FEM1C: variants seen among roughly 807,000 people sequenced by gnomAD.
FEM1C encodes protein fem-1 homolog C.
In FEM1C, 15 loss-of-function variants were observed where a neutral mutation model predicts 37.6. The ratio of observed to expected loss-of-function variants is 0.40; its 90% CI spans 0.27 to 0.61. The LOEUF is 0.61. Ranked by LOEUF, FEM1C falls within the 20% of genes least tolerant of loss-of-function variation. The pLI is 0.42. For synonymous variants in FEM1C, 287 were observed against 272.8 expected (o/e 1.05, Z -0.51); for missense variants, 532 against 749.7 (o/e 0.71, Z 3.39).
chr5:115,541,252 A>G (rs181806042), intron 2 of FEM1C, among the ~76,000 whole-genome samples: 12 of 152,242 alleles, frequency 7.9e-5, no homozygotes, highest in Admixed American at 3.3e-4. Flanking sequence ...CTGCATACAT[A>G]TATCAGTATG....
chr5:115,524,789 G>C lies in FEM1C; in HGVS notation c.1373C>G (p.Thr458Ser). 1 of 1,590,358 alleles carries C rather than the reference G, an allele frequency of 6.3e-7. No individual in the cohort carries two copies. Among genetic ancestry groups the C allele is most frequent in the South Asian group, 1.2e-5 (1 of 86,050 alleles). The stretch of plus-strand genomic sequence containing the variant: ...CTTTTTGAAATGGTCTTGTTCTAGA[G>C]TACAAGGAACTTTCTCTAACAAGCA... ...LICLLEKVPC[T>S]LEQDHFKKQT... Residue 458 changes from threonine to serine, a missense_variant, in exon 3 of 3, where the codon ACT becomes AGT. Coordinates refer to ENST00000274457, the MANE Select transcript of FEM1C (RefSeq NM_020177.3).
chr5:115,536,460 T>C lies in FEM1C; in HGVS notation c.544+6490A>G, dbSNP rs188633893. Among the ~76,000 whole-genome samples the C allele has an allele frequency of 2.6e-3, 402 of 151,910 alleles. 1 individual carries two copies. Among genetic ancestry groups the C allele is most frequent in the African/African-American group, 9.1e-3 (379 of 41,448 alleles). On this transcript the variant is annotated intron_variant, in intron 2 of 2. Transcript: ENST00000274457. ...GCTGAGTACAGAGGTGGTCCACTTG[T>C]AAGATGAGGATAGGGTGTGTGGTTC...
intron 2 of FEM1C, among the ~76,000 whole-genome samples, chr5:115,533,832 A>G (rs540941643): frequency 1.3e-5 from 2 of 152,060 alleles, no homozygotes; most frequent in South Asian, 4.1e-4. Flanking sequence ...ACCTTTGGCT[A>G]AAGAAAAAAA....
intron 2 of FEM1C, among the ~76,000 whole-genome samples, chr5:115,532,633 A>G (rs942469463): frequency 5.9e-5 from 9 of 151,874 alleles, no homozygotes; most frequent in African/African-American, 2.2e-4. Context: ...AGTTATAATC[A>G]GTATATATAT....
At position 115,525,438 on chromosome 5, in the gene FEM1C, T is replaced by A. The variant is rs567959573; in HGVS notation, c.724A>T (p.Thr242Ser). The A allele has an allele frequency of 4.3e-6, 7 of 1,613,698 alleles. No homozygotes were observed. The East Asian group carries it at 1.6e-4, about 36-fold the overall frequency. Residue 242 changes from threonine to serine, a missense_variant, in exon 3 of 3, where the codon ACA (threonine) becomes TCA (serine). By Grantham distance (58) the Thr-to-Ser change is moderately conservative (BLOSUM62 1). Around this residue, in one of 3 missense-constraint regions of FEM1C, gnomAD observed 221 missense variants for 404.1 expected, o/e 0.55. Transcript: ENST00000274457. ...FLTHHAQTSK[T>S]ERINALELLG... ...AGCTCTAGAGCATTAATACGTTCTGTCTTGCTGGTCTGTGCATGGTGTGTC... is the reference window on the plus strand; with the variant it reads ...AGCTCTAGAGCATTAATACGTTCTGACTTGCTGGTCTGTGCATGGTGTGTC...
chr5:115,539,990 T>G (rs962634629), intron 2 of FEM1C, among the ~76,000 whole-genome samples: 2 of 152,138 alleles, frequency 1.3e-5, no homozygotes, highest in Non-Finnish European at 2.9e-5. Context: ...CCAAGCACAA[T>G]GTACTGACAT....
chr5:115,524,300 T>C lies in FEM1C; in HGVS notation c.*8A>G. 1 of 1,610,830 alleles carries C rather than the reference T, an allele frequency of 6.2e-7. No individual in the cohort carries two copies. Among genetic ancestry groups the C allele is most frequent in the Non-Finnish European group, 8.5e-7 (1 of 1,177,668 alleles). On this transcript the variant is annotated 3_prime_UTR_variant, in exon 3 of 3. Transcript: ENST00000274457. ...GTGCTTTAACAGTGCTAAAATACAG[T>C]CAAGTTATCATCTATGAAGGGAAAC...
In FEM1C at chr5:115,543,557, T is replaced by C; in HGVS notation, c.-64A>G. 6.6e-7 allele frequency: 1 copy of C among 1,526,136 alleles called. No homozygotes were observed. Among genetic ancestry groups the C allele is most frequent in the Non-Finnish European group, 8.7e-7 (1 of 1,148,136 alleles). 94.5% of individuals were successfully genotyped at this position (1,526,136 alleles called of 1,614,324 possible). A position where few individuals can be genotyped will look rare whatever the true frequency, so the allele number is the denominator to read the frequency against. On this transcript the variant is annotated 5_prime_UTR_variant, in exon 2 of 3. Transcript: ENST00000274457. ...AAAGCAGAGCTCCAGTTTAACTCTA[T>C]CGACACAGGCAAGAGTCACAGGAAC... is the stretch of plus-strand genomic sequence containing the variant.
In FEM1C at chr5:115,524,582, T is replaced by C. The variant is rs560881253; in HGVS notation, c.1580A>G (p.Asp527Gly). The change falls in exon 3 of 3, where the codon GAT (aspartate) becomes GGT (glycine). Residue 527 changes from aspartate to glycine, a missense_variant. Physicochemically the swap from Asp to Gly is moderately conservative, Grantham distance 94. Around this residue, in one of 3 missense-constraint regions of FEM1C, gnomAD observed 237 missense variants for 260.5 expected, o/e 0.91. Coordinates refer to ENST00000274457, the MANE Select transcript of FEM1C (RefSeq NM_020177.3). ...AGCGATATGCAGGGGACTGTTGTCA[T>C]CCGAGTCTCTGACGTTCACATCAGC... ...CGADVNVRDSDDNSPLHIAAL... is the reference protein window; with the variant it reads ...CGADVNVRDSGDNSPLHIAAL... 1.9e-6 allele frequency: 3 copies of C among 1,612,762 alleles called. No homozygotes were observed. The highest frequency in any genetic ancestry group is 2.5e-6 in the Non-Finnish European group (3 of 1,179,380).
intron 2 of FEM1C, among the ~76,000 whole-genome samples, chr5:115,538,103 A>G (rs1434624655): frequency 3.3e-5 from 5 of 152,084 alleles, no homozygotes; most frequent in Non-Finnish European, 1.5e-5. Flanking sequence ...AAAGGAAAGT[A>G]GAAACTTTTT....
Position 115,543,402 on chromosome 5 carries a change from A to G in FEM1C, c.92T>C (p.Val31Ala). The change falls in exon 2 of 3, where the codon GTT becomes GCT. Residue 31 changes from valine to alanine, a missense_variant. By Grantham distance (64) the Val-to-Ala change is moderately conservative. Coordinates refer to ENST00000274457, the MANE Select transcript of FEM1C (RefSeq NM_020177.3). The stretch of plus-strand genomic sequence containing the variant: ...TGTTTTTTCAGAGATCAAGGAGGAA[A>G]CCTCCTCTTTGGATTTGCTTGCCAA... ...KLLASKSKEE[V>A]SSLISEKTNG... 6.2e-7 allele frequency: 1 copy of G among 1,613,916 alleles called. No individual in the cohort carries two copies.
Position 115,522,715 on chromosome 5 carries a change from CT to C in FEM1C, c.*1592del, listed in dbSNP as rs1165432769. The C allele has an allele frequency of 6.6e-6, 1 of 152,366 alleles. No homozygotes were observed. Among genetic ancestry groups the C allele is most frequent in the Non-Finnish European group, 1.5e-5 (1 of 67,874 alleles). 9.4% of individuals were successfully genotyped at this position (152,366 alleles called of 1,614,324 possible). ...ACAAAAATCCAAGTGAGTGATCCAG[CT>C]CATTGAACTCACAGGTAAACTGAGT... On this transcript the variant is annotated 3_prime_UTR_variant, in exon 3 of 3. Transcript: ENST00000274457.
chr5:115,527,982 A>G (rs1263333325), intron 2 of FEM1C, among the ~76,000 whole-genome samples: 1 of 149,710 alleles, frequency 6.7e-6, no homozygotes, highest in Non-Finnish European at 1.5e-5. Flanking sequence ...GCCTGGTGAC[A>G]AAGTGAGACT....
chr5:115,524,114 T>C lies in FEM1C; in HGVS notation c.*194A>G. On this transcript the variant is annotated 3_prime_UTR_variant, in exon 3 of 3. Transcript: ENST00000274457. ...ACATTTCTCAATAATTCACAAACAA[T>C]ATATTATATGGTATATTTATATTAA... 1.9e-6 allele frequency: 1 copy of C among 513,244 alleles called. No individual in the cohort carries two copies. The highest frequency in any genetic ancestry group is 3.4e-6 in the Non-Finnish European group (1 of 292,704). The allele number at this position is 513,244 out of a possible 1,614,324, so 31.8% of individuals were successfully genotyped here. A position where few individuals can be genotyped will look rare whatever the true frequency, so the allele number is the denominator to read the frequency against.
In FEM1C at chr5:115,522,457, A is replaced by G. The variant is rs1753795794; in HGVS notation, c.*1851T>C. 1 of 151,938 alleles carries G rather than the reference A, an allele frequency of 6.6e-6. No homozygotes were observed. Among genetic ancestry groups the G allele is most frequent in the Admixed American group, 6.6e-5 (1 of 15,204 alleles). 9.4% of individuals were successfully genotyped at this position (151,938 alleles called of 1,614,324 possible). A position where few individuals can be genotyped will look rare whatever the true frequency, so the allele number is the denominator to read the frequency against. On this transcript the variant is annotated 3_prime_UTR_variant, in exon 3 of 3. Coordinates refer to ENST00000274457, the MANE Select transcript of FEM1C (RefSeq NM_020177.3). ...GTTGGAGATCGTTCATTTATATCCA[A>G]TTTACCTTTTCTTAATGGTGAAATC...
chr5:115,522,514 T>A lies in FEM1C; in HGVS notation c.*1794A>T, dbSNP rs1443353584. On this transcript the variant is annotated 3_prime_UTR_variant, in exon 3 of 3. Transcript: ENST00000274457. ...ACAACCTAGCAAATGAGTAAGAATATCTTTTAAAAATTAAATCTCAATTAT... is the reference window on the plus strand; with the variant it reads ...ACAACCTAGCAAATGAGTAAGAATAACTTTTAAAAATTAAATCTCAATTAT... 8 of 152,104 alleles carry A rather than the reference T, an allele frequency of 5.3e-5. No individual in the cohort carries two copies. Among genetic ancestry groups the A allele is most frequent in the East Asian group, 1.9e-4 (1 of 5,170 alleles). The allele number at this position is 152,104 out of a possible 1,614,324, so 9.4% of individuals were successfully genotyped here. A position where few individuals can be genotyped will look rare whatever the true frequency, so the allele number is the denominator to read the frequency against.
chr5:115,524,043 C>A lies in FEM1C; in HGVS notation c.*265G>T. ...CCAAACACCCAACAGCAAACAAAAC[C>A]AGAATGAATAAGCCTTTGGCAGACA... On this transcript the variant is annotated 3_prime_UTR_variant, in exon 3 of 3. Transcript: ENST00000274457. 2.9e-6 allele frequency: 1 copy of A among 347,160 alleles called. No individual in the cohort carries two copies. The highest frequency in any genetic ancestry group is 4.4e-5 in the South Asian group (1 of 22,504). The allele number at this position is 347,160 out of a possible 1,614,324, so 21.5% of individuals were successfully genotyped here. A position where few individuals can be genotyped will look rare whatever the true frequency, so the allele number is the denominator to read the frequency against.
Position 115,527,685 on chromosome 5 carries a change from G to A in FEM1C, c.545-2068C>T, listed in dbSNP as rs58762176. On this transcript the variant is annotated intron_variant, in intron 2 of 2. Transcript: ENST00000274457. Reference sequence around the variant, plus strand: ...TAGATGGCACTTTTCTCTATTCAGAGTAGCACAAAATCAAGAATAAAATGT... The same window carrying A: ...TAGATGGCACTTTTCTCTATTCAGAATAGCACAAAATCAAGAATAAAATGT... 5.3e-4 allele frequency among the ~76,000 whole-genome samples: 81 copies of A among 152,190 alleles called. 3 individuals are homozygous for A. In the East Asian group the frequency reaches 0.015, roughly 28 times the overall value.
chr5:115,535,257 T>A (rs1754100180), intron 2 of FEM1C, among the ~76,000 whole-genome samples: 1 of 142,092 alleles, frequency 7.0e-6, no homozygotes. Context: ...AAATCCAAAT[T>A]GGTATAAACA....
Sources: allele counts gnomAD v4.1 joint callset (sites outside exome capture counted in the v4.1 genomes callset), GRCh38; gene constraint gnomAD v4.1.1; regional missense constraint gnomAD v4.1.1; transcripts MANE v1.5; gene names NCBI Gene and HGNC (gene_info 2026-07-23, HGNC 2026-07-21).